The following ATM variants were observed in gnomAD, a reference collection of about 807,000 sequenced individuals.
ATM encodes the protein ATM serine/threonine kinase.
ATM carries 308 observed loss-of-function variants against 387.0 expected under a neutral mutation model. That is an observed-to-expected ratio of 0.80 (90% CI 0.73 to 0.87). The LOEUF (loss-of-function observed/expected upper bound fraction) is 0.87. Ranked by LOEUF, ATM falls within the 40% of genes least tolerant of loss-of-function variation. The pLI is 0.00. For synonymous variants in ATM, 1,156 were observed against 1,187.3 expected (o/e 0.97, Z 0.54); for missense variants, 3,312 against 3,560.9 (o/e 0.93, Z 1.78).
chr11:108,233,160 C>T (rs956341516), intron 4 of ATM, among the ~76,000 whole-genome samples: 1 of 152,290 alleles, frequency 6.6e-6, no homozygotes, highest in East Asian at 1.9e-4. Context: ...CTGTGCCCAC[C>T]CTGTTCATTT....
chr11:108,243,383 T>TG (rs2079662841), intron 5 of ATM, among the ~76,000 whole-genome samples: 1 of 152,034 alleles, frequency 6.6e-6, no homozygotes, highest in Non-Finnish European at 1.5e-5. Context: ...GAGACCAAGG[T>TG]GGGTAGATCA....
intron 61 of ATM, among the ~76,000 whole-genome samples, chr11:108,356,957 A>C (rs2090019547): frequency 6.6e-6 from 1 of 152,240 alleles, no homozygotes. Flanking sequence ...ATGGCCGAAT[A>C]GGAACAGCTC....
At chr11:108,239,212 G>C (rs11212565) in intron 5 of ATM, among the ~76,000 whole-genome samples, 1 of 152,202 alleles carries the variant, frequency 6.6e-6, no homozygotes, top group Admixed American at 6.5e-5. Context: ...TTTCTGCCAT[G>C]TGAAGATACA....
intron 4 of ATM, among the ~76,000 whole-genome samples, chr11:108,234,125 A>G (rs549469173): frequency 6.6e-6 from 1 of 152,328 alleles, no homozygotes; most frequent in African/African-American, 2.4e-5. Context: ...TACAAGGACT[A>G]TAAGAGAAAT....
intron 56 of ATM, among the ~76,000 whole-genome samples, chr11:108,338,417 G>C (rs1311085923): frequency 6.6e-6 from 1 of 152,158 alleles, no homozygotes; most frequent in Admixed American, 6.6e-5. Flanking sequence ...CACTTTGAGA[G>C]GCCAAGGCAG....
At chr11:108,273,870 G>A (rs1003543138) in intron 22 of ATM, among the ~76,000 whole-genome samples, 2 of 152,168 alleles carry the variant, frequency 1.3e-5, no homozygotes, top group Non-Finnish European at 2.9e-5. Flanking sequence ...TTGGAATCAG[G>A]ATGATGCTGG....
intron 59 of ATM, among the ~76,000 whole-genome samples, chr11:108,352,688 AAACT>A (rs1486580534): frequency 6.6e-6 from 1 of 152,236 alleles, no homozygotes; most frequent in African/African-American, 2.4e-5. Flanking sequence ...ATGCTTAAAC[AAACT>A]GTGTTACATC....
intron 34 of ATM, 72 bp downstream of exon 34, chr11:108,299,957 GA>G: frequency 7.2e-7 from 1 of 1,389,644 alleles, no homozygotes; most frequent in Non-Finnish European, 1.0e-6. Context: ...CACACAAATA[GA>G]TATTCTCAGT....
chr11:108,302,773 T>C, intron 35 of ATM, 80 bp from the exon 36 acceptor site: 1 of 1,320,336 alleles, frequency 7.6e-7, no homozygotes, highest in Non-Finnish European at 1.1e-6. Flanking sequence ...TCAGAAAGAT[T>C]TGTTATACTC....
At chr11:108,336,642 A>G (rs1388709315) in intron 56 of ATM, among the ~76,000 whole-genome samples, 1 of 152,214 alleles carries the variant, frequency 6.6e-6, no homozygotes, top group Non-Finnish European at 1.5e-5. Flanking sequence ...TGAACATACA[A>G]ATTTCATACA....
chr11:108,250,826 A>G lies in ATM; in HGVS notation c.1361A>G (p.Tyr454Cys). 3 of 1,614,146 alleles carry G rather than the reference A, an allele frequency of 1.9e-6. No homozygotes were observed. The highest frequency in any genetic ancestry group is 2.5e-6 in the Non-Finnish European group (3 of 1,180,030). The change falls in exon 10 of 63, where the codon TAT (tyrosine) becomes TGT (cysteine). Residue 454 changes from tyrosine to cysteine, a missense_variant. Physicochemically the swap from Tyr to Cys is radical, Grantham distance 194 (BLOSUM62 -2). Transcript: ENST00000675843. ...PQQRHGERTP[Y>C]VLRCLTEVAL... Reference sequence around the variant, plus strand: ...CAGCGACATGGGGAACGTACACCATATGTGTTACGATGCCTTACGGAAGTT... The same window carrying G: ...CAGCGACATGGGGAACGTACACCATGTGTGTTACGATGCCTTACGGAAGTT...
chr11:108,328,948 C>G (rs1239124374), intron 48 of ATM, 73 bp from the exon 49 acceptor site: 2 of 1,438,758 alleles, frequency 1.4e-6, no homozygotes, highest in East Asian at 4.9e-5. Flanking sequence ...AGTGTATTAC[C>G]TTAATTTGAG....
intron 29 of ATM, 165 bp downstream of exon 29, chr11:108,289,966 T>A: frequency 1.6e-6 from 1 of 610,364 alleles, no homozygotes; most frequent in Non-Finnish European, 2.8e-6. Context: ...CAGATTATCC[T>A]TCCTCCTCAC....
At chr11:108,326,289 T>C (rs2085682140) in intron 47 of ATM, 64 bp downstream of exon 47, 2 of 1,567,244 alleles carry the variant, frequency 1.3e-6, no homozygotes, top group Non-Finnish European at 1.7e-6. Flanking sequence ...AAATGTACTT[T>C]AAAATATTTT....
chr11:108,342,711 A>T (rs2087742268), intron 56 of ATM, among the ~76,000 whole-genome samples: 1 of 152,218 alleles, frequency 6.6e-6, no homozygotes, highest in Admixed American at 6.5e-5. Context: ...AAACTTTCCT[A>T]GTAAAGTTGC....
chr11:108,303,995 A>ATG (rs1482031450), intron 36 of ATM, among the ~76,000 whole-genome samples: 2 of 152,296 alleles, frequency 1.3e-5, no homozygotes, highest in African/African-American at 4.8e-5. Context: ...AACCTGTCTT[A>ATG]TGTGTGTGAA....
chr11:108,325,178 T>C (rs1370781124), intron 45 of ATM, 132 bp from the exon 46 acceptor site: 1 of 645,090 alleles, frequency 1.6e-6, no homozygotes, highest in Non-Finnish European at 2.6e-6. Flanking sequence ...ATTTACAAGT[T>C]CTAGTCTTGT....
chr11:108,258,873 C>T, intron 15 of ATM, 113 bp from the exon 16 acceptor site: 1 of 792,908 alleles, frequency 1.3e-6, no homozygotes, highest in Non-Finnish European at 2.1e-6. Context: ...ATATATTGGC[C>T]CTAATAGTAA....
intron 49 of ATM, 80 bp from the exon 50 acceptor site, chr11:108,330,134 A>G (rs1290908609): frequency 6.8e-7 from 1 of 1,471,816 alleles, no homozygotes; most frequent in African/African-American, 1.4e-5. Context: ...TTTTTCATTA[A>G]ATGTTGTATA....
Sources: gnomAD v4.1 joint callset for allele counts (sites outside exome capture counted in the v4.1 genomes callset) on GRCh38, gnomAD v4.1.1 for gene constraint, MANE v1.5 for transcripts, NCBI Gene and HGNC (gene_info 2026-07-23, HGNC 2026-07-21) for gene names.